CLASP2: variants seen among roughly 807,000 people sequenced by gnomAD.
CLASP2 encodes cytoplasmic linker associated protein 2.
CLASP2 carries 47 observed loss-of-function variants against 194.4 expected under a neutral mutation model. The observed-to-expected ratio is 0.24, with a 90% CI of 0.19 to 0.31. The LOEUF (loss-of-function observed/expected upper bound fraction) is 0.31. CLASP2 is among the 10% of genes least tolerant of loss of function. The pLI is 1.00. For missense variants in CLASP2, 1,445 were observed against 1,823.6 expected (o/e 0.79, Z 3.78); for synonymous variants, 619 against 633.5 (o/e 0.98, Z 0.34).
At chr3:33,709,034 T>C (rs1270318134) in intron 1 of CLASP2, among the ~76,000 whole-genome samples, 6 of 152,228 alleles carry the variant, frequency 3.9e-5, no homozygotes, top group Admixed American at 3.9e-4. Context: ...TTGCCAGTAT[T>C]TTCTCCCATT....
chr3:33,699,278 G>A (rs1459259696), intron 1 of CLASP2, among the ~76,000 whole-genome samples: 1 of 152,132 alleles, frequency 6.6e-6, no homozygotes, highest in Non-Finnish European at 1.5e-5. Context: ...AGGAATTCTA[G>A]AAGAGAGAAC....
At chr3:33,622,810 ATTT>A (rs35363056) in intron 10 of CLASP2, among the ~76,000 whole-genome samples, 1 of 142,414 alleles carries the variant, frequency 7.0e-6, no homozygotes. Flanking sequence ...GCTGTAGAAC[ATTT>A]TTTTTTTTTT....
Position 33,653,371 on chromosome 3 carries a change from C to A in CLASP2, c.716-8468G>T, listed in dbSNP as rs183243038. On this transcript the variant is annotated intron_variant, in intron 7 of 38. Coordinates refer to ENST00000682230, the MANE Select transcript of CLASP2 (RefSeq NM_001365631.1). ...GCACCACACAACACAATAAAAAAAT[C>A]TAGTGTGCAGGAAGAATATTTAACA... 3.3e-3 allele frequency among the ~76,000 whole-genome samples: 509 copies of A among 152,004 alleles called. 3 individuals carry two copies. Among genetic ancestry groups the A allele is most frequent in the African/African-American group, 0.011 (458 of 41,472 alleles).
chr3:33,666,765 A>C (rs1559578145), intron 6 of CLASP2, among the ~76,000 whole-genome samples: 1 of 152,168 alleles, frequency 6.6e-6, no homozygotes, highest in Non-Finnish European at 1.5e-5. Context: ...TCTATGTTTG[A>C]CATTTTGAGG....
chr3:33,688,449 T>C, intron 3 of CLASP2, 81 bp from the exon 4 acceptor site: 1 of 1,018,342 alleles, frequency 9.8e-7, no homozygotes, highest in South Asian at 1.6e-5. Flanking sequence ...CCAATCTTAC[T>C]ACCAACCTTA....
chr3:33,666,634 C>G (rs1011900260), intron 6 of CLASP2, among the ~76,000 whole-genome samples: 1 of 152,086 alleles, frequency 6.6e-6, no homozygotes, highest in Non-Finnish European at 1.5e-5. Flanking sequence ...TGGGGTGTCT[C>G]TATTTTTTGG....
chr3:33,513,451 G>A (rs2050475779), intron 36 of CLASP2, among the ~76,000 whole-genome samples: 1 of 151,908 alleles, frequency 6.6e-6, no homozygotes, highest in Non-Finnish European at 1.5e-5. Context: ...AGAACCAGTT[G>A]AACTCAGGAG....
At chr3:33,657,547 C>T (rs568615931) in intron 7 of CLASP2, among the ~76,000 whole-genome samples, 93 of 149,744 alleles carry the variant, frequency 6.2e-4, no homozygotes, top group African/African-American at 2.0e-3. Flanking sequence ...ATATGGCCCA[C>T]ACCAAATGCA....
Position 33,713,064 on chromosome 3 carries a change from T to C in CLASP2, c.195+4744A>G, listed in dbSNP as rs575765110. Among the ~76,000 whole-genome samples, 294 of 131,196 alleles carry C rather than the reference T, an allele frequency of 2.2e-3. 2 individuals are homozygous for C. Among genetic ancestry groups the C allele is most frequent in the African/African-American group, 7.2e-3 (255 of 35,184 alleles). 86.1% of individuals were successfully genotyped at this position (131,196 alleles called of 152,430 possible). A position where few individuals can be genotyped will look rare whatever the true frequency, so the allele number is the denominator to read the frequency against. ...AGAAAGTGTGAATCACCAGCAACCA[T>C]ACACCTGTAGTGGTCTGAATTGGTA... On this transcript the variant is annotated intron_variant, in intron 1 of 38. Coordinates refer to ENST00000682230, the MANE Select transcript of CLASP2 (RefSeq NM_001365631.1).
At chr3:33,589,035 C>T (rs992327183) in intron 21 of CLASP2, among the ~76,000 whole-genome samples, 5 of 151,874 alleles carry the variant, frequency 3.3e-5, no homozygotes, top group Non-Finnish European at 7.4e-5. Flanking sequence ...TACTGACAGT[C>T]GAAAATCAAA....
rs1173805377 is a variant in CLASP2 at position 33,498,225 on chromosome 3, AG to A, written c.*405del. ...AGTAGCAATAAAAATATTATTCTGC[AG>A]TTGAATAAAAGCAAAAATGTTTTAG... On this transcript the variant is annotated 3_prime_UTR_variant, in exon 39 of 39. Transcript: ENST00000682230. 5 of 155,382 alleles carry A rather than the reference AG, an allele frequency of 3.2e-5. No individual in the cohort carries two copies. Among genetic ancestry groups the A allele is most frequent in the African/African-American group, 1.2e-4 (5 of 41,590 alleles). The allele number at this position is 155,382 out of a possible 1,614,324, so 9.6% of individuals were successfully genotyped here.
At chr3:33,592,703 A>G (rs1286793277) in intron 20 of CLASP2, 2 of 614,752 alleles carry the variant, frequency 3.3e-6, no homozygotes, top group Non-Finnish European at 5.8e-6. Context: ...TTCAAGGATA[A>G]GAAGAATCAA....
intron 10 of CLASP2, among the ~76,000 whole-genome samples, chr3:33,625,991 C>T (rs546377306): frequency 3.3e-5 from 5 of 152,060 alleles, no homozygotes; most frequent in African/African-American, 9.6e-5. Flanking sequence ...ACATTTTATA[C>T]TAATAACACT....
chr3:33,618,574 G>C (rs1389674261), intron 12 of CLASP2, among the ~76,000 whole-genome samples: 1 of 152,160 alleles, frequency 6.6e-6, no homozygotes, highest in East Asian at 1.9e-4. Flanking sequence ...TGGAACCCGG[G>C]CGGCAGAGGT....
intron 23 of CLASP2, among the ~76,000 whole-genome samples, chr3:33,579,313 T>C (rs1013544492): frequency 6.6e-6 from 1 of 152,206 alleles, no homozygotes; most frequent in Non-Finnish European, 1.5e-5. Context: ...TATTAATGAC[T>C]AGACAAAATA....
intron 29 of CLASP2, among the ~76,000 whole-genome samples, chr3:33,557,338 A>G (rs1244500670): frequency 6.6e-6 from 1 of 151,214 alleles, no homozygotes; most frequent in Non-Finnish European, 1.5e-5. Flanking sequence ...ATCTCTATAT[A>G]TATTATCTAC....
intron 14 of CLASP2, 32 bp downstream of exon 14, chr3:33,608,535 G>C (rs1278845846): frequency 1.9e-6 from 3 of 1,551,316 alleles, no homozygotes; most frequent in African/African-American, 1.4e-5. Context: ...CAATGGGGAG[G>C]AAAGTGGGAG....
chr3:33,644,777 G>A lies in CLASP2; in HGVS notation c.842C>T (p.Ala281Val). The A allele has an allele frequency of 6.2e-7, 1 of 1,613,312 alleles. No individual in the cohort carries two copies. Among genetic ancestry groups the A allele is most frequent in the Non-Finnish European group, 8.5e-7 (1 of 1,179,644 alleles). Reference protein sequence around the residue: ...PANSARKPGSAGGPKVGGASK... With the variant: ...PANSARKPGSVGGPKVGGASK... ...ATTACCTCCAACCTTAGGGCCACCTGCTGAACCAGGCTTCCTTGCACTGTT... is the reference window on the plus strand; with the variant it reads ...ATTACCTCCAACCTTAGGGCCACCTACTGAACCAGGCTTCCTTGCACTGTT... Residue 281 changes from alanine to valine, a missense_variant, in exon 8 of 39, where the codon GCA (alanine) becomes GTA (valine). This residue lies in a region of CLASP2 where 207 missense variants were observed against 331.4 expected (regional missense o/e 0.62). Transcript: ENST00000682230.
intron 17 of CLASP2, among the ~76,000 whole-genome samples, chr3:33,603,865 T>C (rs1164664673): frequency 2.0e-5 from 3 of 152,172 alleles, no homozygotes; most frequent in Non-Finnish European, 4.4e-5. Context: ...CTGTGAGTTA[T>C]GACCCATTAA....
Sources: gnomAD v4.1 joint callset for allele counts (sites outside exome capture counted in the v4.1 genomes callset) on GRCh38, gnomAD v4.1.1 for gene constraint, gnomAD v4.1.1 regional missense constraint, MANE v1.5 for transcripts, NCBI Gene and HGNC (gene_info 2026-07-23, HGNC 2026-07-21) for gene names.